Variants in CACNA1A observed in about 807,000 individuals in gnomAD.
CACNA1A encodes calcium voltage-gated channel subunit alpha1 A.
CACNA1A carries 57 observed loss-of-function variants against 262.4 expected under a neutral mutation model. The observed-to-expected ratio is 0.22, with a 90% CI of 0.18 to 0.27. The LOEUF (loss-of-function observed/expected upper bound fraction) is 0.27, where lower values mean the gene tolerates loss of function less well. Among genes scored for constraint, CACNA1A ranks in the 10% least tolerant of loss-of-function variants. The pLI, the probability that CACNA1A is intolerant of heterozygous loss-of-function variation, is 1.00. For missense variants in CACNA1A, 2,526 were observed against 3,562.8 expected, an observed-to-expected ratio of 0.71 and a Z score of 7.41; for synonymous variants, 1,431 against 1,419.3, an observed-to-expected ratio of 1.01 and a Z score of -0.18.
At chr19:13,429,817 T>C (rs1186118926) in intron 3 of CACNA1A, among the ~76,000 whole-genome samples, 1 of 151,324 alleles carries the variant, frequency 6.6e-6, no homozygotes, top group Non-Finnish European at 1.5e-5. Flanking sequence ...CATGCTACAA[T>C]ATGGATGAGA....
intron 15 of CACNA1A, among the ~76,000 whole-genome samples, chr19:13,304,859 AGC>A (rs1282219027): frequency 6.6e-6 from 1 of 152,174 alleles, no homozygotes; most frequent in Admixed American, 6.5e-5. Flanking sequence ...TTCCTGTATA[AGC>A]CACCCAGTGT....
In CACNA1A at chr19:13,224,658, C is replaced by T. The variant is rs1345618086; in HGVS notation, c.5731+9G>A. 1.3e-6 allele frequency: 2 copies of T among 1,595,356 alleles called. No homozygotes were observed. The highest frequency in any genetic ancestry group is 2.7e-5 in the African/African-American group (2 of 74,630). ...CGCCTGTCTGTGCCCGCCCCTGTCCCTTCCTTACCCTTGGCAATCTTGATG... is the reference window on the plus strand; with the variant it reads ...CGCCTGTCTGTGCCCGCCCCTGTCCTTTCCTTACCCTTGGCAATCTTGATG... On this transcript the variant is annotated intron_variant, in intron 38 of 46. Coordinates refer to ENST00000360228, the MANE Select transcript of CACNA1A (RefSeq NM_001127222.2).
At chr19:13,369,049 A>C (rs1262815815) in intron 4 of CACNA1A, among the ~76,000 whole-genome samples, 2 of 151,178 alleles carry the variant, frequency 1.3e-5, no homozygotes, top group Non-Finnish European at 2.9e-5. Context: ...AAAAAAAAAA[A>C]AAAAAAAAAA....
chr19:13,382,602 G>A (rs1177643208), intron 3 of CACNA1A, among the ~76,000 whole-genome samples: 2 of 152,176 alleles, frequency 1.3e-5, no homozygotes, highest in African/African-American at 4.8e-5. Flanking sequence ...TGGACAGTGA[G>A]AGTCATGTAA....
chr19:13,433,121 G>A lies in CACNA1A; in HGVS notation c.539+19755C>T, dbSNP rs553322894. Reference sequence around the variant, plus strand: ...ATCCTGGCTAACACGGTGAAACCCCGTCTCTACTAAAAATACAAAAAATTA... The same window carrying A: ...ATCCTGGCTAACACGGTGAAACCCCATCTCTACTAAAAATACAAAAAATTA... On this transcript the variant is annotated intron_variant, in intron 3 of 46. Coordinates refer to ENST00000360228, the MANE Select transcript of CACNA1A (RefSeq NM_001127222.2). Among the ~76,000 whole-genome samples the A allele has an allele frequency of 6.7e-4, 102 of 151,870 alleles. 1 individual carries two copies. In the Middle Eastern group the frequency reaches 0.024, roughly 35 times the overall value.
At chr19:13,493,544 A>C (rs1313573419) in intron 1 of CACNA1A, among the ~76,000 whole-genome samples, 1 of 152,240 alleles carries the variant, frequency 6.6e-6, no homozygotes. Context: ...GCCCAGGAAA[A>C]ATTCCAAACC....
intron 15 of CACNA1A, among the ~76,000 whole-genome samples, chr19:13,304,636 A>AT (rs60226502): frequency 0.31 from 38,521 of 122,656 alleles, 6,852 homozygotes; most frequent in East Asian, 0.64. Context: ...AAAAAAATAG[A>AT]TTTTTTTTTG....
chr19:13,406,176 C>A (rs530607849), intron 3 of CACNA1A, among the ~76,000 whole-genome samples: 1 of 151,670 alleles, frequency 6.6e-6, no homozygotes, highest in South Asian at 2.1e-4. Context: ...ATAAAAAGGA[C>A]GGGCATGGTG....
intron 6 of CACNA1A, among the ~76,000 whole-genome samples, chr19:13,351,580 G>A (rs2058908430): frequency 6.6e-6 from 1 of 152,160 alleles, no homozygotes; most frequent in African/African-American, 2.4e-5. Context: ...CGTGATCTCA[G>A]CTCACTGCAA....
Position 13,308,036 on chromosome 19 carries a change from G to A in CACNA1A, c.1913+84C>T. 1.3e-6 allele frequency: 2 copies of A among 1,555,320 alleles called. No homozygotes were observed. Among genetic ancestry groups the A allele is most frequent in the Non-Finnish European group, 1.8e-6 (2 of 1,139,694 alleles). Reference sequence around the variant, plus strand: ...AATGGGTGTCTGGGCTACGAGGAAGGCAGCCTGCACGGTGGAGGGGACTGT... The same window carrying A: ...AATGGGTGTCTGGGCTACGAGGAAGACAGCCTGCACGGTGGAGGGGACTGT... On this transcript the variant is annotated intron_variant, in intron 14 of 46. Transcript: ENST00000360228. This position sits in a 1 kb window ranked among gnomAD's most constrained non-coding sequence, Gnocchi z 4.2.
chr19:13,301,762 C>T (rs774190170), intron 17 of CACNA1A, among the ~76,000 whole-genome samples: 6 of 152,310 alleles, frequency 3.9e-5, no homozygotes, highest in Non-Finnish European at 5.9e-5. Context: ...GCAGCTCTCC[C>T]GCTGTGCTCC....
intron 6 of CACNA1A, among the ~76,000 whole-genome samples, chr19:13,358,646 T>C (rs1267978822): frequency 6.6e-6 from 1 of 152,276 alleles, no homozygotes; most frequent in African/African-American, 2.4e-5. Flanking sequence ...TTGCATATTG[T>C]GGGAAGAGGA....
chr19:13,471,982 A>C (rs545529748), intron 1 of CACNA1A, among the ~76,000 whole-genome samples: 1 of 152,286 alleles, frequency 6.6e-6, no homozygotes, highest in African/African-American at 2.4e-5. Flanking sequence ...TATTTTATTG[A>C]GACAGGATCT....
chr19:13,280,189 T>G (rs2057255992), intron 22 of CACNA1A, among the ~76,000 whole-genome samples: 1 of 151,802 alleles, frequency 6.6e-6, no homozygotes, highest in South Asian at 2.1e-4. Flanking sequence ...GAATTCTTAT[T>G]TATTGAGACA....
At position 13,268,472 on chromosome 19, in the gene CACNA1A, C is replaced by T. The variant is rs532057754; in HGVS notation, c.3990-5639G>A. 7.4e-5 allele frequency among the ~76,000 whole-genome samples: 11 copies of T among 149,184 alleles called. No individual in the cohort carries two copies. The South Asian group carries it at 8.5e-4, about 12-fold the overall frequency. ...TTTTTGAAACGGAGTCTCGCTCTGT[C>T]GCCCAGGCTGGAGTGCAGTGGCAAG... is the stretch of plus-strand genomic sequence containing the variant. On this transcript the variant is annotated intron_variant, in intron 24 of 46. Coordinates refer to ENST00000360228, the MANE Select transcript of CACNA1A (RefSeq NM_001127222.2).
At chr19:13,208,240 GC>G (rs1291357372) in intron 46 of CACNA1A, among the ~76,000 whole-genome samples, 187 bp from the exon 47 acceptor site, 1 of 125,196 alleles carries the variant, frequency 8.0e-6, no homozygotes, top group Non-Finnish European at 1.7e-5. Flanking sequence ...AAAAGCAACA[GC>G]CACAGGGAGG....
intron 19 of CACNA1A, among the ~76,000 whole-genome samples, chr19:13,294,369 G>A (rs1055983481): frequency 5.3e-5 from 8 of 151,780 alleles, no homozygotes; most frequent in African/African-American, 1.7e-4. Flanking sequence ...AGGGTATTTA[G>A]TATACTGGCC....
At chr19:13,343,927 G>C (rs946347978) in intron 6 of CACNA1A, among the ~76,000 whole-genome samples, 15 of 152,118 alleles carry the variant, frequency 9.9e-5, no homozygotes, top group African/African-American at 3.6e-4. Flanking sequence ...ACAAAAAACA[G>C]AGGCCAGATG....
intron 19 of CACNA1A, among the ~76,000 whole-genome samples, chr19:13,292,896 A>G (rs2057574418): frequency 6.6e-6 from 1 of 152,198 alleles, no homozygotes; most frequent in South Asian, 2.1e-4. Context: ...AAAGAGCCTT[A>G]GAACCTCTTT....
Sources: allele counts gnomAD v4.1 joint callset (sites outside exome capture counted in the v4.1 genomes callset), GRCh38; gene constraint gnomAD v4.1.1; non-coding constraint Gnocchi (gnomAD v3.1); transcripts MANE v1.5; gene names NCBI Gene and HGNC (gene_info 2026-07-23, HGNC 2026-07-21).